Variants in MCCC2 observed in about 807,000 individuals in gnomAD.
MCCC2 encodes the protein methylcrotonoyl-CoA carboxylase beta chain, mitochondrial.
MCCC2 carries 52 observed loss-of-function variants against 77.2 expected under a neutral mutation model. The observed-to-expected ratio is 0.67, with a 90% CI of 0.54 to 0.85. MCCC2 has a LOEUF of 0.85. Among genes scored for constraint, MCCC2 ranks in the 40% least tolerant of loss-of-function variants. MCCC2 has a pLI of 0.00. For synonymous variants in MCCC2, 253 were observed against 248.4 expected, an observed-to-expected ratio of 1.02 and a Z score of -0.18; for missense variants, 682 against 703.2, an observed-to-expected ratio of 0.97 and a Z score of 0.34.
chr5:71,591,443 T>C (rs1174953827), intron 1 of MCCC2, among the ~76,000 whole-genome samples: 1 of 150,060 alleles, frequency 6.7e-6, no homozygotes, highest in African/African-American at 2.4e-5. Context: ...TGTTTTTTTT[T>C]TTTTTTTTTT....
chr5:71,649,817 G>C lies in MCCC2; in HGVS notation c.1374-252G>C, dbSNP rs1384871329. Reference sequence around the variant, plus strand: ...AAAAAAGGACATGACTGTAGATCATGAGAGGATATTATGAACGCTTTTATA... The same window carrying C: ...AAAAAAGGACATGACTGTAGATCATCAGAGGATATTATGAACGCTTTTATA... On this transcript the variant is annotated intron_variant, in intron 14 of 16. Coordinates refer to ENST00000340941, the MANE Select transcript of MCCC2 (RefSeq NM_022132.5). 6.6e-5 allele frequency among the ~76,000 whole-genome samples: 10 copies of C among 152,342 alleles called. No homozygotes were observed. In the East Asian group the frequency reaches 1.7e-3, roughly 26 times the overall value.
At chr5:71,596,440 T>C (rs1475496375) in intron 3 of MCCC2, 76 bp downstream of exon 3, 1 of 1,260,344 alleles carries the variant, frequency 7.9e-7, no homozygotes, top group Non-Finnish European at 1.2e-6. Flanking sequence ...TGTAAATCAG[T>C]TATTTTGAAT....
At chr5:71,637,481 G>C (rs534726892) in intron 10 of MCCC2, among the ~76,000 whole-genome samples, 1 of 152,270 alleles carries the variant, frequency 6.6e-6, no homozygotes, top group African/African-American at 2.4e-5. Context: ...ATACCTTATT[G>C]CTTTTAAAAA....
intron 7 of MCCC2, among the ~76,000 whole-genome samples, chr5:71,627,293 C>T (rs2112414363): frequency 6.6e-6 from 1 of 152,324 alleles, no homozygotes; most frequent in Non-Finnish European, 1.5e-5. Flanking sequence ...AATAATGCTG[C>T]TATGAACATG....
intron 5 of MCCC2, among the ~76,000 whole-genome samples, chr5:71,603,257 A>G (rs2112323309): frequency 6.6e-6 from 1 of 152,032 alleles, no homozygotes; most frequent in Non-Finnish European, 1.5e-5. Context: ...CTAAAAAAAA[A>G]TACAAAAAAT....
intron 6 of MCCC2, among the ~76,000 whole-genome samples, chr5:71,609,822 C>G (rs1441710965): frequency 6.6e-6 from 1 of 152,068 alleles, no homozygotes; most frequent in Admixed American, 6.6e-5. Flanking sequence ...TTGGAATACC[C>G]TGCCGTGTGA....
chr5:71,601,460 A>G (rs941716419), intron 4 of MCCC2, among the ~76,000 whole-genome samples: 2 of 152,226 alleles, frequency 1.3e-5, no homozygotes, highest in East Asian at 3.9e-4. Flanking sequence ...TTAAATCATT[A>G]AAAGTTTGCA....
Position 71,596,167 on chromosome 5 carries a change from A to T in MCCC2, c.197-113A>T, listed in dbSNP as rs1216588532. On this transcript the variant is annotated intron_variant, in intron 2 of 16. Coordinates refer to ENST00000340941, the MANE Select transcript of MCCC2 (RefSeq NM_022132.5). ...ATGATTATTAGCCTTTTCTCAGAGG[A>T]TATGTTGAACTTTTAAAAAGTGCTA... The T allele has an allele frequency of 4.0e-5, 37 of 929,206 alleles. No homozygotes were observed. In the Admixed American group the frequency reaches 6.8e-4, roughly 17 times the overall value. The allele number at this position is 929,206 out of a possible 1,614,324, so 57.6% of individuals were successfully genotyped here.
intron 10 of MCCC2, among the ~76,000 whole-genome samples, chr5:71,638,399 G>C (rs142294748): frequency 2.0e-5 from 3 of 151,908 alleles, no homozygotes; most frequent in Non-Finnish European, 2.9e-5. Context: ...TGACCTCCTC[G>C]CATGAATCGT....
intron 14 of MCCC2, among the ~76,000 whole-genome samples, chr5:71,649,627 G>A (rs1441822013): frequency 6.6e-6 from 1 of 152,212 alleles, no homozygotes; most frequent in African/African-American, 2.4e-5. Context: ...AGAACAGCAC[G>A]TTAAACCCGT....
chr5:71,598,657 T>C (rs959203907), intron 3 of MCCC2, among the ~76,000 whole-genome samples: 6 of 147,406 alleles, frequency 4.1e-5, no homozygotes, highest in Admixed American at 3.5e-4. Context: ...GGTTTCACCA[T>C]GTTATCCAGG....
intron 1 of MCCC2, among the ~76,000 whole-genome samples, chr5:71,591,683 C>G (rs1013445412): frequency 1.3e-5 from 2 of 151,722 alleles, no homozygotes; most frequent in Non-Finnish European, 1.5e-5. Context: ...GTGATCTGCC[C>G]GCCTCGGCCT....
At chr5:71,635,697 A>G (rs913328616) in intron 10 of MCCC2, 4 of 291,920 alleles carry the variant, frequency 1.4e-5, no homozygotes, top group African/African-American at 6.6e-5. Flanking sequence ...AAATGTTGCT[A>G]TGGTTACACA....
At position 71,633,091 on chromosome 5, in the gene MCCC2, TTATATATATATA is replaced by T. The variant is rs137979624; in HGVS notation, c.803+936_803+947del. ...GAGGAGGAGGGTTTTTTTTTCAGTTTTATATATATATATATATATATATATATATATATATAT... is the reference window on the plus strand; with the variant it reads ...GAGGAGGAGGGTTTTTTTTTCAGTTTTATATATATATATATATATATATAT... On this transcript the variant is annotated intron_variant, in intron 8 of 16. Transcript: ENST00000340941. Among the ~76,000 whole-genome samples the T allele has an allele frequency of 8.4e-4, 71 of 84,246 alleles. 1 individual carries two copies. Among genetic ancestry groups the T allele is most frequent in the African/African-American group, 3.4e-3 (66 of 19,686 alleles). 55.3% of individuals were successfully genotyped at this position (84,246 alleles called of 152,430 possible). A position where few individuals can be genotyped will look rare whatever the true frequency, so the allele number is the denominator to read the frequency against.
chr5:71,635,954 T>G (rs539587672), intron 10 of MCCC2: 38 of 162,056 alleles, frequency 2.3e-4, no homozygotes, highest in Non-Finnish European at 4.3e-4. Context: ...TTGCATATAA[T>G]TCCACCCTCT....
intron 6 of MCCC2, among the ~76,000 whole-genome samples, chr5:71,605,429 G>C (rs1307020400): frequency 1.3e-5 from 2 of 152,012 alleles, no homozygotes; most frequent in Admixed American, 6.6e-5. Context: ...TGATGGGGTT[G>C]TTTGTTTTTT....
intron 6 of MCCC2, among the ~76,000 whole-genome samples, chr5:71,614,731 G>T (rs549170021): frequency 6.6e-6 from 1 of 151,922 alleles, no homozygotes; most frequent in Non-Finnish European, 1.5e-5. Flanking sequence ...TGATCTGCCC[G>T]CATTGGTCTC....
Position 71,599,736 on chromosome 5 carries a change from T to A in MCCC2, c.359T>A (p.Ile120Asn). The A allele has an allele frequency of 6.2e-7, 1 of 1,614,024 alleles. No homozygotes were observed. The highest frequency in any genetic ancestry group is 8.5e-7 in the Non-Finnish European group (1 of 1,179,858). ...GAGGAGGTGCCAGGAGGTGGCATTATTACAGGCATTGGAAGAGTATCAGGG... is the reference window on the plus strand; with the variant it reads ...GAGGAGGTGCCAGGAGGTGGCATTAATACAGGCATTGGAAGAGTATCAGGG... Reference protein sequence around the residue: ...DNEEVPGGGIITGIGRVSGVE... With the variant: ...DNEEVPGGGINTGIGRVSGVE... The change falls in exon 4 of 17, where the codon ATT (isoleucine) becomes AAT (asparagine). Residue 120 changes from isoleucine (I) to asparagine (N), a missense_variant. Coordinates refer to ENST00000340941, the MANE Select transcript of MCCC2 (RefSeq NM_022132.5).
At chr5:71,632,025 T>A in intron 7 of MCCC2, 96 bp from the exon 8 acceptor site, 1 of 1,054,242 alleles carries the variant, frequency 9.5e-7, no homozygotes, top group Non-Finnish European at 1.5e-6. Context: ...GAAGAAAAAG[T>A]ACAGGTATAG....
Sources: allele counts gnomAD v4.1 joint callset (sites outside exome capture counted in the v4.1 genomes callset), GRCh38; gene constraint gnomAD v4.1.1; transcripts MANE v1.5; gene names NCBI Gene and HGNC (gene_info 2026-07-23, HGNC 2026-07-21).